PRDM15: variants seen among roughly 807,000 people sequenced by gnomAD.
PRDM15 encodes the protein PR domain zinc finger protein 15.
Under a neutral mutation model 128.6 loss-of-function variants are expected in PRDM15, and 64 were observed. The ratio of observed to expected loss-of-function variants is 0.50; its 90% CI spans 0.41 to 0.61. PRDM15 has a LOEUF of 0.61. Among genes scored for constraint, PRDM15 ranks in the 20% least tolerant of loss-of-function variants. The pLI, the probability that PRDM15 is intolerant of heterozygous loss-of-function variation, is 0.00. For missense variants in PRDM15, 1,242 were observed against 1,569.1 expected (o/e 0.79, Z 3.52); for synonymous variants, 615 against 621.8 (o/e 0.99, Z 0.16).
At chr21:41,865,140 TC>T in intron 1 of PRDM15, among the ~76,000 whole-genome samples, 1 of 98,356 alleles carries the variant, frequency 1.0e-5, no homozygotes, top group Non-Finnish European at 2.1e-5. Context: ...CAGTCCCCAC[TC>T]CCCACTCCCC....
intron 19 of PRDM15, chr21:41,814,342 A>C (rs1355299265): frequency 1.9e-5 from 1 of 52,532 alleles, no homozygotes; most frequent in Non-Finnish European, 3.8e-5. Flanking sequence ...AGGGTGCTCT[A>C]GTGTGTTATG....
At chr21:41,835,119 G>A (rs1416440558) in intron 11 of PRDM15, among the ~76,000 whole-genome samples, 1 of 152,174 alleles carries the variant, frequency 6.6e-6, no homozygotes, top group Non-Finnish European at 1.5e-5. Context: ...GACGGCCCTA[G>A]AAAACATTGG....
At chr21:41,869,985 G>T (rs912660065) in intron 1 of PRDM15, among the ~76,000 whole-genome samples, 4 of 152,184 alleles carry the variant, frequency 2.6e-5, no homozygotes, top group Admixed American at 2.6e-4. Context: ...GCTCGGCGGA[G>T]CCCAGTCAAT....
intron 1 of PRDM15, chr21:41,870,875 GT>G (rs2064185348): frequency 6.6e-6 from 1 of 152,230 alleles, no homozygotes; most frequent in Non-Finnish European, 1.5e-5. Flanking sequence ...TGCCTCTGCT[GT>G]TTACCAGATG....
rs754995889 is a variant in PRDM15, at chr21:41,799,150, G to T, written c.*2090C>A. The T allele has an allele frequency of 6.6e-6, 1 of 152,192 alleles. No homozygotes were observed. Among genetic ancestry groups the T allele is most frequent in the Non-Finnish European group, 1.5e-5 (1 of 68,038 alleles). The allele number at this position is 152,192 out of a possible 1,614,324, so 9.4% of individuals were successfully genotyped here. A position where few individuals can be genotyped will look rare whatever the true frequency, so the allele number is the denominator to read the frequency against. ...GATTTCCAAGGCCTTTATTTTATAGGGAAGAGGAATAAAAGATCAATGCTA... is the reference window on the plus strand; with the variant it reads ...GATTTCCAAGGCCTTTATTTTATAGTGAAGAGGAATAAAAGATCAATGCTA... On this transcript the variant is annotated 3_prime_UTR_variant, in exon 24 of 24. Coordinates refer to ENST00000398548, the MANE Select transcript of PRDM15 (RefSeq NM_001040424.3).
At chr21:41,874,520 T>TA (rs1235130158) in intron 1 of PRDM15, among the ~76,000 whole-genome samples, 2 of 76,876 alleles carry the variant, frequency 2.6e-5, no homozygotes, top group African/African-American at 9.2e-5. Flanking sequence ...TATATATATA[T>TA]ATATATTTTT....
rs570398528 is a variant in PRDM15 at position 41,808,965 on chromosome 21, C to T, written c.2652+1189G>A. Among the ~76,000 whole-genome samples, 9 of 152,326 alleles carry T rather than the reference C, an allele frequency of 5.9e-5. No homozygotes were observed. The South Asian group carries it at 1.2e-3, about 21-fold the overall frequency. On this transcript the variant is annotated intron_variant, in intron 21 of 23. Coordinates refer to ENST00000398548, the MANE Select transcript of PRDM15 (RefSeq NM_001040424.3). The stretch of plus-strand genomic sequence containing the variant: ...GGTGAGAGCGGCAACTCGTGCCAGC[C>T]GGCCAGTGTGGTCACTCTGAATCTA...
chr21:41,821,876 AG>A lies in PRDM15; in HGVS notation c.1896+26del. 6.2e-7 allele frequency: 1 copy of A among 1,612,504 alleles called. No homozygotes were observed. The highest frequency in any genetic ancestry group is 1.1e-5 in the South Asian group (1 of 91,062). ...GACCACCTTCCTCTCCAGACCACCC[AG>A]GCACCGCGGGGCAAACCCGCCATAC... is the stretch of plus-strand genomic sequence containing the variant. On this transcript the variant is annotated intron_variant, in intron 15 of 23. Coordinates refer to ENST00000398548, the MANE Select transcript of PRDM15 (RefSeq NM_001040424.3). The surrounding 1 kb of genome is among the most constrained non-coding windows in gnomAD (Gnocchi z 5.4).
Position 41,859,462 on chromosome 21 carries a change from C to T in PRDM15, c.131+130G>A, listed in dbSNP as rs1044152449. Reference sequence around the variant, plus strand: ...GCTCAGTTCACAGTGGGAGCGGAATCGCTGGCTCTCACTCAGAGTGCCTCT... The same window carrying T: ...GCTCAGTTCACAGTGGGAGCGGAATTGCTGGCTCTCACTCAGAGTGCCTCT... On this transcript the variant is annotated intron_variant, in intron 3 of 23. Coordinates refer to ENST00000398548, the MANE Select transcript of PRDM15 (RefSeq NM_001040424.3). The surrounding 1 kb of genome is among the most constrained non-coding windows in gnomAD (Gnocchi z 5.3). 4 of 769,788 alleles carry T rather than the reference C, an allele frequency of 5.2e-6. No homozygotes were observed. Among genetic ancestry groups the T allele is most frequent in the Admixed American group, 5.4e-5 (2 of 37,022 alleles). The allele number at this position is 769,788 out of a possible 1,614,324, so 47.7% of individuals were successfully genotyped here. A position where few individuals can be genotyped will look rare whatever the true frequency, so the allele number is the denominator to read the frequency against.
chr21:41,820,076 A>G lies in PRDM15; in HGVS notation c.2140+19T>C. 6.2e-7 allele frequency: 1 copy of G among 1,611,346 alleles called. No homozygotes were observed. The highest frequency in any genetic ancestry group is 2.2e-5 in the East Asian group (1 of 44,862). On this transcript the variant is annotated intron_variant, in intron 17 of 23. Coordinates refer to ENST00000398548, the MANE Select transcript of PRDM15 (RefSeq NM_001040424.3). ...CCCTCCAGCGAGGGCCGGGACCCCA[A>G]ATGCTGACAGACACGCACCTGTGTG...
chr21:41,871,376 T>G (rs919766349), intron 1 of PRDM15: 1 of 231,538 alleles, frequency 4.3e-6, no homozygotes, highest in African/African-American at 5.0e-5. Flanking sequence ...CACCTCTGCC[T>G]CTGCCTGGGG....
chr21:41,831,187 T>C (rs935700610), intron 11 of PRDM15, among the ~76,000 whole-genome samples: 8 of 152,240 alleles, frequency 5.3e-5, no homozygotes, highest in Non-Finnish European at 1.5e-5. Context: ...CTGCCATTTG[T>C]GCAAAGCAGC....
intron 1 of PRDM15, among the ~76,000 whole-genome samples, chr21:41,870,450 A>G (rs1351940712): frequency 6.6e-6 from 1 of 152,166 alleles, no homozygotes; most frequent in African/African-American, 2.4e-5. Context: ...CCTCGTGACA[A>G]TATTAAAAGC....
In PRDM15 at chr21:41,819,630, G is replaced by T. The variant is rs1373971885; in HGVS notation, c.2212C>A (p.Arg738Ser). 1.2e-6 allele frequency: 2 copies of T among 1,611,628 alleles called. No homozygotes were observed. The highest frequency in any genetic ancestry group is 2.2e-5 in the South Asian group (2 of 90,688). The part of the protein sequence containing the change: ...ARKDMLKEHM[R>S]VHDNVREYLC... Reference sequence around the variant, plus strand: ...TACTCGCGGACATTGTCGTGCACACGCATGTGCTCCTTCAGCATGTCCTTC... The same window carrying T: ...TACTCGCGGACATTGTCGTGCACACTCATGTGCTCCTTCAGCATGTCCTTC... Residue 738 changes from arginine to serine, a missense_variant, in exon 18 of 24, where the codon CGT becomes AGT. Arg to Ser is a moderately radical substitution (Grantham distance 110). Around this residue, in one of 3 missense-constraint regions of PRDM15, gnomAD observed 602 missense variants for 788.3 expected, o/e 0.76. Coordinates refer to ENST00000398548, the MANE Select transcript of PRDM15 (RefSeq NM_001040424.3).
In PRDM15 at chr21:41,878,867, C is replaced by T. The variant is rs1194698942; in HGVS notation, c.-10+403G>A. ...GGCCGGGGCGGCGAAGACCCTGCGCCGCGCCCACGGGCGAGCGCGGCCCGG... is the reference window on the plus strand; with the variant it reads ...GGCCGGGGCGGCGAAGACCCTGCGCTGCGCCCACGGGCGAGCGCGGCCCGG... On this transcript the variant is annotated intron_variant, in intron 1 of 23. Coordinates refer to ENST00000398548, the MANE Select transcript of PRDM15 (RefSeq NM_001040424.3). The T allele has an allele frequency of 1.0e-5, 10 of 962,184 alleles. No individual in the cohort carries two copies. The African/African-American group carries it at 1.6e-4, about 16-fold the overall frequency. 59.6% of individuals were successfully genotyped at this position (962,184 alleles called of 1,614,324 possible).
chr21:41,872,531 T>C (rs2064249366), intron 1 of PRDM15, among the ~76,000 whole-genome samples: 1 of 152,218 alleles, frequency 6.6e-6, no homozygotes, highest in Non-Finnish European at 1.5e-5. Flanking sequence ...TTAGGCCTTA[T>C]TTTTTACACT....
rs373463695 is a variant in PRDM15 at position 41,843,884 on chromosome 21, G to A, written c.640+3206C>T. Among the ~76,000 whole-genome samples, 13 of 151,266 alleles carry A rather than the reference G, an allele frequency of 8.6e-5. No individual in the cohort carries two copies. The East Asian group carries it at 2.3e-3, about 27-fold the overall frequency. The stretch of plus-strand genomic sequence containing the variant: ...GGATCATTTGAGCCCATGAGTTTGA[G>A]GCTGCAATGAGCTAAGATCACACCA... On this transcript the variant is annotated intron_variant, in intron 6 of 23. Transcript: ENST00000398548.
At chr21:41,827,308 C>T (rs910265665) in intron 12 of PRDM15, among the ~76,000 whole-genome samples, 3 of 152,088 alleles carry the variant, frequency 2.0e-5, no homozygotes, top group Non-Finnish European at 2.9e-5. Context: ...AAAAAAGGGA[C>T]GAAGGCACAT....
chr21:41,810,091 C>T lies in PRDM15; in HGVS notation c.2652+63G>A, dbSNP rs1180322109. ...CAGAGGGAGGTGGGCCATGTGCCAG[C>T]ATGGGGGTGTCCGGTGCGCGGCCCG... is the stretch of plus-strand genomic sequence containing the variant. On this transcript the variant is annotated intron_variant, in intron 21 of 23. Transcript: ENST00000398548. The surrounding 1 kb of genome is among the most constrained non-coding windows in gnomAD (Gnocchi z 6.4). 7 of 1,525,916 alleles carry T rather than the reference C, an allele frequency of 4.6e-6. No homozygotes were observed. In the African/African-American group the frequency reaches 9.5e-5, roughly 21 times the overall value. The allele number at this position is 1,525,916 out of a possible 1,614,324, so 94.5% of individuals were successfully genotyped here.
Sources: allele counts gnomAD v4.1 joint callset (sites outside exome capture counted in the v4.1 genomes callset), GRCh38; gene constraint gnomAD v4.1.1; regional missense constraint gnomAD v4.1.1; non-coding constraint Gnocchi (gnomAD v3.1); transcripts MANE v1.5; gene names NCBI Gene and HGNC (gene_info 2026-07-23, HGNC 2026-07-21).